The following PTPRT variants were observed in gnomAD, a reference collection of about 807,000 sequenced individuals.
PTPRT encodes protein tyrosine phosphatase receptor type T.
PTPRT carries 56 observed loss-of-function variants against 176.8 expected under a neutral mutation model. That is an observed-to-expected ratio of 0.32 (90% confidence interval 0.26 to 0.40). The LOEUF is 0.40. Ranked by LOEUF, PTPRT falls within the 10% of genes least tolerant of loss-of-function variation. The pLI is 1.00. For synonymous variants in PTPRT, 783 were observed against 739.0 expected (o/e 1.06, Z -0.96); for missense variants, 1,540 against 1,908.2 (o/e 0.81, Z 3.60).
At chr20:42,609,856 C>T (rs2073944866) in intron 7 of PTPRT, among the ~76,000 whole-genome samples, 1 of 152,208 alleles carries the variant, frequency 6.6e-6, no homozygotes, top group Non-Finnish European at 1.5e-5. Context: ...GATGAATGTG[C>T]AGCCGAGCGT....
In PTPRT at chr20:42,350,716, C is replaced by G. The variant is rs2058270588; in HGVS notation, c.1777G>C (p.Glu593Gln). 5 of 1,612,740 alleles carry G rather than the reference C, an allele frequency of 3.1e-6. No homozygotes were observed. The highest frequency in any genetic ancestry group is 4.2e-6 in the Non-Finnish European group (5 of 1,178,800). Residue 593 changes from glutamate to glutamine, a missense_variant, in exon 11 of 31, where the codon GAG (glutamate) becomes CAG (glutamine). Transcript: ENST00000373187. ...TTCAATGGGGTGTCTGTGTCGTACT[C>G]AGGCATGGATGGAGCTGGACAGGAA... ...ATKISAPSMP[E>Q]YDTDTPLNET...
intron 12 of PTPRT, among the ~76,000 whole-genome samples, chr20:42,284,191 A>G (rs2057188854): frequency 6.6e-6 from 1 of 152,076 alleles, no homozygotes; most frequent in Non-Finnish European, 1.5e-5. Flanking sequence ...TTATTGATAC[A>G]TGATTATATT....
intron 1 of PTPRT, among the ~76,000 whole-genome samples, chr20:42,911,547 A>G (rs184833975): frequency 2.1e-3 from 327 of 152,316 alleles, no homozygotes; most frequent in Non-Finnish European, 3.8e-3. Context: ...TAACATCTGG[A>G]AAATGTATAC....
chr20:42,570,769 T>C (rs544898423), intron 7 of PTPRT, among the ~76,000 whole-genome samples: 34 of 152,322 alleles, frequency 2.2e-4, no homozygotes, highest in African/African-American at 7.7e-4. Context: ...TTTTCATTTA[T>C]AAAGACCCTT....
chr20:42,978,662 A>G (rs191245511), intron 1 of PTPRT, among the ~76,000 whole-genome samples: 1 of 152,310 alleles, frequency 6.6e-6, no homozygotes, highest in East Asian at 1.9e-4. Flanking sequence ...CAGGTCATAA[A>G]GACCATCCTG....
chr20:42,552,463 T>C (rs1258887144), intron 7 of PTPRT, among the ~76,000 whole-genome samples: 1 of 152,144 alleles, frequency 6.6e-6, no homozygotes, highest in African/African-American at 2.4e-5. Context: ...CCAAAATAAA[T>C]GCTAGATGAA....
chr20:42,114,124 G>A (rs1987154819), intron 22 of PTPRT, among the ~76,000 whole-genome samples: 1 of 152,194 alleles, frequency 6.6e-6, no homozygotes, highest in Non-Finnish European at 1.5e-5. Context: ...TGGCCACATT[G>A]TCTATTAAAG....
chr20:42,894,149 G>A (rs1369346849), intron 1 of PTPRT, among the ~76,000 whole-genome samples: 1 of 152,128 alleles, frequency 6.6e-6, no homozygotes. Context: ...GCGCCATAAG[G>A]CCACCAGGAA....
chr20:42,126,306 A>T (rs1987856059), intron 19 of PTPRT, among the ~76,000 whole-genome samples: 1 of 152,220 alleles, frequency 6.6e-6, no homozygotes. Context: ...TGATTATTAA[A>T]GACAGCAGGG....
At chr20:42,888,601 C>G (rs548895272) in intron 1 of PTPRT, among the ~76,000 whole-genome samples, 47 of 152,300 alleles carry the variant, frequency 3.1e-4, no homozygotes, top group African/African-American at 8.7e-4. Flanking sequence ...GAGCCCATGC[C>G]CATCCTAATA....
chr20:42,687,243 A>G (rs2075713298), intron 6 of PTPRT: 1 of 152,182 alleles, frequency 6.6e-6, no homozygotes, highest in African/African-American at 2.4e-5. Context: ...CTGTGTCAGG[A>G]TCAAGACAGT....
chr20:42,253,556 A>AT (rs977233369), intron 13 of PTPRT, among the ~76,000 whole-genome samples: 1 of 152,060 alleles, frequency 6.6e-6, no homozygotes, highest in Non-Finnish European at 1.5e-5. Context: ...AGGAGGAGGG[A>AT]TTTGGGTGCA....
At chr20:42,397,596 C>G (rs1322549312) in intron 9 of PTPRT, among the ~76,000 whole-genome samples, 1 of 152,200 alleles carries the variant, frequency 6.6e-6, no homozygotes, top group African/African-American at 2.4e-5. Context: ...TCAGTTGCAT[C>G]CATGTTGTGA....
chr20:42,655,401 G>T (rs1356968523), intron 7 of PTPRT, among the ~76,000 whole-genome samples: 1 of 152,178 alleles, frequency 6.6e-6, no homozygotes, highest in Non-Finnish European at 1.5e-5. Context: ...TGAGGCAGGA[G>T]AATCACTTGA....
chr20:42,591,040 A>T (rs2073563866), intron 7 of PTPRT, among the ~76,000 whole-genome samples: 1 of 151,958 alleles, frequency 6.6e-6, no homozygotes, highest in Non-Finnish European at 1.5e-5. Flanking sequence ...ATACACCAAG[A>T]TAATATCCAA....
intron 9 of PTPRT, among the ~76,000 whole-genome samples, chr20:42,418,498 A>T (rs2059086745): frequency 6.6e-6 from 1 of 152,248 alleles, no homozygotes; most frequent in Non-Finnish European, 1.5e-5. Context: ...GAAATAACAC[A>T]TAAATAGTTA....
At chr20:42,546,447 T>G (rs2145597764) in intron 7 of PTPRT, among the ~76,000 whole-genome samples, 1 of 151,392 alleles carries the variant, frequency 6.6e-6, no homozygotes, top group Admixed American at 6.6e-5. Context: ...ACTAGTTAGG[T>G]TTTCAATTCT....
In PTPRT at chr20:42,076,120, G is replaced by A. The variant is rs2146059594; in HGVS notation, c.*4759C>T. ...TATGTTTTCGTTCAAACTAAAGACT[G>A]AGCTCTGTCCACCACAACCCCATGC... is the stretch of plus-strand genomic sequence containing the variant. On this transcript the variant is annotated 3_prime_UTR_variant, in exon 31 of 31. Transcript: ENST00000373187. The A allele has an allele frequency of 4.9e-6, 1 of 204,900 alleles. No homozygotes were observed. The highest frequency in any genetic ancestry group is 7.4e-5 in the East Asian group (1 of 13,560). The allele number at this position is 204,900 out of a possible 1,614,324, so 12.7% of individuals were successfully genotyped here. A position where few individuals can be genotyped will look rare whatever the true frequency, so the allele number is the denominator to read the frequency against.
At position 42,525,448 on chromosome 20, in the gene PTPRT, T is replaced by G. The variant is rs150919596; in HGVS notation, c.1154-52886A>C. ...GGTTCTTTTTATTGAGAAATTTTCC[T>G]AGGGCAGGCAGTGCTGTATATTCAC... is the stretch of plus-strand genomic sequence containing the variant. On this transcript the variant is annotated intron_variant, in intron 7 of 30. Coordinates refer to ENST00000373187, the MANE Select transcript of PTPRT (RefSeq NM_007050.6). Among the ~76,000 whole-genome samples, 698 of 152,336 alleles carry G rather than the reference T, an allele frequency of 4.6e-3. 3 individuals are homozygous for G. Among genetic ancestry groups the G allele is most frequent in the African/African-American group, 0.016 (666 of 41,580 alleles).
Sources: allele counts gnomAD v4.1 joint callset (sites outside exome capture counted in the v4.1 genomes callset), GRCh38; gene constraint gnomAD v4.1.1; transcripts MANE v1.5; gene names NCBI Gene and HGNC (gene_info 2026-07-23, HGNC 2026-07-21).